NF1: variants seen among roughly 807,000 people sequenced by gnomAD.
NF1 encodes the protein neurofibromin 1, also known as neurofibromin.
In NF1, 122 loss-of-function variants were observed where a neutral mutation model predicts 325.7. The ratio of observed to expected loss-of-function variants is 0.37; its 90% CI spans 0.32 to 0.44. The LOEUF (loss-of-function observed/expected upper bound fraction) is 0.44, where lower values mean the gene tolerates loss of function less well. Ranked by LOEUF, NF1 falls within the 20% of genes least tolerant of loss-of-function variation. NF1 has a pLI of 1.00. For missense variants in NF1, 2,140 were observed against 3,415.4 expected, an observed-to-expected ratio of 0.63 and a Z score of 9.31; for synonymous variants, 1,091 against 1,186.0, an observed-to-expected ratio of 0.92 and a Z score of 1.65.
At chr17:31,131,375 C>T (rs1441777584) in intron 1 of NF1, among the ~76,000 whole-genome samples, 1 of 152,214 alleles carries the variant, frequency 6.6e-6, no homozygotes, top group African/African-American at 2.4e-5. Context: ...CCCTGTTCAA[C>T]TCAACTGCCT....
intron 36 of NF1, among the ~76,000 whole-genome samples, chr17:31,308,749 C>A (rs2068796061): frequency 6.6e-6 from 1 of 152,120 alleles, no homozygotes; most frequent in Admixed American, 6.6e-5. Context: ...CCCAAGTTCT[C>A]TGTGACTGAC....
At position 31,249,041 on chromosome 17, in the gene NF1, A is replaced by G. The variant is rs1555617330; in HGVS notation, c.4032A>G (p.Glu1344=). 6.2e-7 allele frequency: 1 copy of G among 1,614,054 alleles called. No individual in the cohort carries two copies. Among genetic ancestry groups the G allele is most frequent in the African/African-American group, 1.3e-5 (1 of 74,930 alleles). Residue 1344 remains glutamate (E), a synonymous_variant, in exon 30 of 58, where the codon GAA becomes GAG. Coordinates refer to ENST00000358273, the MANE Select transcript of NF1 (RefSeq NM_001042492.3). ...ENQRNLLQMT[E]KFFHAIISSS... ...AGCGGAACCTCCTTCAGATGACTGA[A>G]AAGTTCTTCCATGCCATCATCAGTT...
intron 36 of NF1, among the ~76,000 whole-genome samples, chr17:31,285,747 A>G (rs2068214447): frequency 6.6e-6 from 1 of 152,098 alleles, no homozygotes; most frequent in South Asian, 2.1e-4. Context: ...TGAGGCTGAG[A>G]TCGGAGAATC....
intron 4 of NF1, among the ~76,000 whole-genome samples, chr17:31,164,363 C>T (rs1417652857): frequency 6.6e-6 from 1 of 152,184 alleles, no homozygotes; most frequent in African/African-American, 2.4e-5. Flanking sequence ...ATAGGTAGTG[C>T]TCTATGGGAT....
intron 51 of NF1, among the ~76,000 whole-genome samples, chr17:31,353,873 C>T (rs867153852): frequency 3.3e-5 from 5 of 152,170 alleles, no homozygotes; most frequent in Non-Finnish European, 5.9e-5. Context: ...ACATAAATAA[C>T]GTGCCAGTAA....
chr17:31,258,339 T>C lies in NF1; in HGVS notation c.4174-5T>C, dbSNP rs745562507. On this transcript the variant is annotated splice_region_variant and splice_polypyrimidine_tract_variant and intron_variant, in intron 31 of 57. Coordinates refer to ENST00000358273, the MANE Select transcript of NF1 (RefSeq NM_001042492.3). ...TATACTCAATTCTCAACTCCTTGTTTTTAGGTGGTTAGCCAGCGTTTCCCT... is the reference window on the plus strand; with the variant it reads ...TATACTCAATTCTCAACTCCTTGTTCTTAGGTGGTTAGCCAGCGTTTCCCT... The C allele has an allele frequency of 1.2e-6, 2 of 1,613,960 alleles. No individual in the cohort carries two copies. Among genetic ancestry groups the C allele is most frequent in the Admixed American group, 1.7e-5 (1 of 60,012 alleles).
rs934951401 is a variant in NF1, at chr17:31,376,044, A to G, written c.*1889A>G. 1 of 232,966 alleles carries G rather than the reference A, an allele frequency of 4.3e-6. No homozygotes were observed. The highest frequency in any genetic ancestry group is 2.2e-5 in the African/African-American group (1 of 45,328). 14.4% of individuals were successfully genotyped at this position (232,966 alleles called of 1,614,324 possible). On this transcript the variant is annotated 3_prime_UTR_variant, in exon 58 of 58. Transcript: ENST00000358273. ...AAATGTTTATAATGACAGAGCAACT[A>G]TGACTATATAAAAAAGCTGAAATTA...
At chr17:31,268,738 G>T (rs12936285) in intron 36 of NF1, among the ~76,000 whole-genome samples, 81,113 of 151,516 alleles carry the variant, frequency 0.54, 25,275 homozygotes, top group Middle Eastern at 0.75. Flanking sequence ...TCACTCTGTT[G>T]TCTAGGCTGG....
intron 8 of NF1, among the ~76,000 whole-genome samples, chr17:31,185,267 A>T (rs1428775512): frequency 1.3e-5 from 2 of 152,128 alleles, no homozygotes; most frequent in African/African-American, 4.8e-5. Flanking sequence ...TGAGAGTGTG[A>T]CCCATGAGGA....
intron 38 of NF1, among the ~76,000 whole-genome samples, chr17:31,329,446 A>C (rs17883430): frequency 6.6e-6 from 1 of 152,152 alleles, no homozygotes; most frequent in African/African-American, 2.4e-5. Context: ...TTTTTTCCCT[A>C]TATGGTTGTT....
intron 4 of NF1, 84 bp downstream of exon 4, chr17:31,163,460 TAATG>T: frequency 6.8e-7 from 1 of 1,463,048 alleles, no homozygotes; most frequent in Non-Finnish European, 9.4e-7. Flanking sequence ...AATAAAAAGT[TAATG>T]GAAATGAGGT....
rs78292062 is a variant in NF1, at chr17:31,255,422, A to T, written c.4173+2422A>T. On this transcript the variant is annotated intron_variant, in intron 31 of 57. Transcript: ENST00000358273. ...TTGATGTCAATTAGTGGTGAATGAA[A>T]AAAAAACAGTCCTTTTATAAGTTGA... Among the ~76,000 whole-genome samples, 1,241 of 152,284 alleles carry T rather than the reference A, an allele frequency of 8.1e-3. 13 individuals carry two copies. The highest frequency in any genetic ancestry group is 0.026 in the African/African-American group (1,098 of 41,530).
At chr17:31,227,357 C>CAA in intron 19 of NF1, 66 bp downstream of exon 19, 1 of 1,536,762 alleles carries the variant, frequency 6.5e-7, no homozygotes, top group African/African-American at 1.4e-5. Flanking sequence ...CCTCTTGTTA[C>CAA]ATATGTGTGA....
intron 52 of NF1, 186 bp from the exon 53 acceptor site, chr17:31,356,774 A>G: frequency 9.0e-7 from 1 of 1,114,802 alleles, no homozygotes; most frequent in Non-Finnish European, 1.3e-6. Flanking sequence ...CATATATATT[A>G]TATACAGCAT....
intron 1 of NF1, among the ~76,000 whole-genome samples, chr17:31,114,732 T>C (rs1016180065): frequency 6.6e-6 from 1 of 151,596 alleles, no homozygotes; most frequent in Admixed American, 6.6e-5. Flanking sequence ...CAGGCGCCTG[T>C]AATCCCAGCT....
intron 17 of NF1, among the ~76,000 whole-genome samples, chr17:31,226,219 C>T (rs1408650702): frequency 6.6e-6 from 1 of 151,418 alleles, no homozygotes; most frequent in Non-Finnish European, 1.5e-5. Flanking sequence ...TTATGTTGGT[C>T]CAGATAATCT....
At chr17:31,126,882 G>T (rs1273704971) in intron 1 of NF1, among the ~76,000 whole-genome samples, 1 of 151,972 alleles carries the variant, frequency 6.6e-6, no homozygotes, top group Non-Finnish European at 1.5e-5. Flanking sequence ...AAATTTTTTT[G>T]TGTCCTATCA....
At position 31,337,933 on chromosome 17, in the gene NF1, C is replaced by G. The variant is rs1392854264; in HGVS notation, c.6704+53C>G. 7 of 1,550,708 alleles carry G rather than the reference C, an allele frequency of 4.5e-6. No individual in the cohort carries two copies. The East Asian group carries it at 1.6e-4, about 35-fold the overall frequency. On this transcript the variant is annotated intron_variant, in intron 44 of 57. Coordinates refer to ENST00000358273, the MANE Select transcript of NF1 (RefSeq NM_001042492.3). ...AAAAATATGCATATTGTTGAAAATA[C>G]AGCTATTACTGTATGATCAATGTTA...
intron 8 of NF1, among the ~76,000 whole-genome samples, chr17:31,197,731 A>G (rs1191272468): frequency 1.3e-5 from 2 of 152,144 alleles, no homozygotes; most frequent in East Asian, 3.8e-4. Context: ...ATTTCTACAT[A>G]TATATCATCT....
Sources: gnomAD v4.1 joint callset for allele counts (sites outside exome capture counted in the v4.1 genomes callset) on GRCh38, gnomAD v4.1.1 for gene constraint, MANE v1.5 for transcripts, NCBI Gene and HGNC (gene_info 2026-07-23, HGNC 2026-07-21) for gene names.